Variants in HPGD observed in about 807,000 individuals in gnomAD.
The protein encoded by HPGD is 15-hydroxyprostaglandin dehydrogenase [NAD(+)].
HPGD carries 29 observed loss-of-function variants against 30.0 expected under a neutral mutation model. The ratio of observed to expected loss-of-function variants is 0.97; its 90% CI spans 0.72 to 1.32. The LOEUF (loss-of-function observed/expected upper bound fraction) is 1.32, where lower values mean the gene tolerates loss of function less well. Among genes scored for constraint, HPGD ranks in the 40% most tolerant of loss-of-function variants. The pLI is 0.00. For synonymous variants in HPGD, 99 were observed against 112.4 expected, an observed-to-expected ratio of 0.88 and a Z score of 0.75; for missense variants, 340 against 322.1, an observed-to-expected ratio of 1.06 and a Z score of -0.43.
At chr4:174,499,881 C>A (rs564110596) in intron 4 of HPGD, among the ~76,000 whole-genome samples, 94 of 152,278 alleles carry the variant, frequency 6.2e-4, no homozygotes, top group Admixed American at 4.4e-3. Context: ...TTTCTATGAA[C>A]ACTCTTTCCC....
chr4:174,519,717 C>A (rs1735982080), intron 2 of HPGD, among the ~76,000 whole-genome samples: 1 of 152,118 alleles, frequency 6.6e-6, no homozygotes, highest in Non-Finnish European at 1.5e-5. Context: ...CAGCGGGCAA[C>A]CCCCCTTTTT....
chr4:174,512,157 TA>T (rs1735540169), intron 3 of HPGD, among the ~76,000 whole-genome samples: 1 of 152,180 alleles, frequency 6.6e-6, no homozygotes, highest in Admixed American at 6.5e-5. Flanking sequence ...TTGGAAGAAC[TA>T]ATGTATTTGG....
rs546444596 is a variant in HPGD at position 174,497,971 on chromosome 4, CAG to C, written c.422-2349_422-2348del. ...CTGCCCCCTTCTCTCTCTTTTGAGA[CAG>C]AGTCTAGCTCTATTGCCCAGGCTGG... On this transcript the variant is annotated intron_variant, in intron 4 of 6. Transcript: ENST00000296522. Among the ~76,000 whole-genome samples, 54 of 150,344 alleles carry C rather than the reference CAG, an allele frequency of 3.6e-4. No individual in the cohort carries two copies. The East Asian group carries it at 0.011, about 30-fold the overall frequency.
chr4:174,508,077 G>A (rs1735275045), intron 4 of HPGD: 10 of 698,388 alleles, frequency 1.4e-5, no homozygotes, highest in Non-Finnish European at 2.6e-5. Flanking sequence ...CTTTCTGCTA[G>A]AGAAAAAGGA....
intron 4 of HPGD, among the ~76,000 whole-genome samples, chr4:174,498,558 A>G (rs1734754661): frequency 6.6e-6 from 1 of 151,910 alleles, no homozygotes; most frequent in African/African-American, 2.4e-5. Flanking sequence ...TATACTTTGC[A>G]TTTTCTAAAA....
chr4:174,513,413 T>C (rs1490230924), intron 3 of HPGD, among the ~76,000 whole-genome samples: 1 of 152,078 alleles, frequency 6.6e-6, no homozygotes, highest in Non-Finnish European at 1.5e-5. Context: ...GAAATACAAC[T>C]CTTAATAAGT....
chr4:174,518,044 C>T lies in HPGD; in HGVS notation c.251G>A (p.Arg84Lys), dbSNP rs760526727. The change falls in exon 3 of 7, where the codon AGA becomes AAA. Residue 84 changes from arginine to lysine, a missense_variant. By Grantham distance (26) the Arg-to-Lys change is conservative. Coordinates refer to ENST00000296522, the MANE Select transcript of HPGD (RefSeq NM_000860.6). ...TFRKVVDHFGRLDILVNNAGV... is the reference protein window; with the variant it reads ...TFRKVVDHFGKLDILVNNAGV... ...AGCATTATTGACCAAAATGTCCAGTCTTCCAAAGTGGTCTACAACTTTTCT... is the reference window on the plus strand; with the variant it reads ...AGCATTATTGACCAAAATGTCCAGTTTTCCAAAGTGGTCTACAACTTTTCT... The T allele has an allele frequency of 6.2e-7, 1 of 1,602,532 alleles. No homozygotes were observed. Among genetic ancestry groups the T allele is most frequent in the Non-Finnish European group, 8.5e-7 (1 of 1,169,780 alleles).
chr4:174,512,467 G>A (rs1344367345), intron 3 of HPGD, among the ~76,000 whole-genome samples: 1 of 152,184 alleles, frequency 6.6e-6, no homozygotes, highest in Admixed American at 6.5e-5. Flanking sequence ...GTTACTCTCT[G>A]ACATGAGCAG....
intron 4 of HPGD, among the ~76,000 whole-genome samples, chr4:174,500,763 A>G (rs1297152419): frequency 1.3e-5 from 2 of 152,192 alleles, no homozygotes; most frequent in Non-Finnish European, 2.9e-5. Context: ...CAGGTGGAGA[A>G]CAGGGTTTTT....
intron 3 of HPGD, among the ~76,000 whole-genome samples, chr4:174,512,323 G>A (rs1735548520): frequency 6.6e-6 from 1 of 152,154 alleles, no homozygotes. Context: ...TTACTAGCAT[G>A]AATAGCATGA....
At chr4:174,520,470 A>G (rs1228312763) in intron 2 of HPGD, among the ~76,000 whole-genome samples, 1 of 152,224 alleles carries the variant, frequency 6.6e-6, no homozygotes, top group African/African-American at 2.4e-5. Context: ...GGAAGAATCA[A>G]TGTCATGTTT....
chr4:174,502,137 C>CCAA (rs45490296), intron 4 of HPGD, among the ~76,000 whole-genome samples: 3 of 152,150 alleles, frequency 2.0e-5, no homozygotes, highest in Admixed American at 1.3e-4. Flanking sequence ...TTCTTTACAA[C>CCAA]CAACAACAAC....
At chr4:174,521,519 T>C (rs1284177657) in intron 2 of HPGD, among the ~76,000 whole-genome samples, 7 of 152,236 alleles carry the variant, frequency 4.6e-5, no homozygotes, top group East Asian at 1.9e-4. Context: ...TATTCTGATA[T>C]GTTTAAACGA....
At chr4:174,493,461 T>C (rs1301724004) in intron 5 of HPGD, 147 bp from the exon 6 acceptor site, 3 of 710,114 alleles carry the variant, frequency 4.2e-6, no homozygotes, top group Non-Finnish European at 7.3e-6. Context: ...GGTAAATAGA[T>C]AGTAAAATAA....
chr4:174,519,218 A>G (rs1579305462), intron 2 of HPGD, among the ~76,000 whole-genome samples: 1 of 146,216 alleles, frequency 6.8e-6, no homozygotes, highest in African/African-American at 2.5e-5. Context: ...TTTTTCATGG[A>G]TTTTTTTTTT....
At chr4:174,498,506 C>T (rs1734752860) in intron 4 of HPGD, among the ~76,000 whole-genome samples, 1 of 152,012 alleles carries the variant, frequency 6.6e-6, no homozygotes, top group African/African-American at 2.4e-5. Context: ...TTCTGCTGCC[C>T]CTCTCCTCCC....
Position 174,496,512 on chromosome 4 carries a change from T to A in HPGD, c.422-888A>T, listed in dbSNP as rs45444797. Among the ~76,000 whole-genome samples, 24,235 of 152,190 alleles carry A rather than the reference T, an allele frequency of 0.16. 2,588 individuals carry two copies. Among genetic ancestry groups the A allele is most frequent in the East Asian group, 0.52 (2,669 of 5,172 alleles). Reference sequence around the variant, plus strand: ...TATTATCAAGCTTATTTCTCAAAATTGTTAATTATCTAATCAGCAATCAAA... The same window carrying A: ...TATTATCAAGCTTATTTCTCAAAATAGTTAATTATCTAATCAGCAATCAAA... On this transcript the variant is annotated intron_variant, in intron 4 of 6. Transcript: ENST00000296522. The surrounding 1 kb of genome is among the most constrained non-coding windows in gnomAD (Gnocchi z 4.6).
At chr4:174,521,863 G>T in intron 2 of HPGD, 81 bp downstream of exon 2, 1 of 1,567,264 alleles carries the variant, frequency 6.4e-7, no homozygotes, top group Non-Finnish European at 8.8e-7. Flanking sequence ...GCGGCACCCA[G>T]GGCCCCCTGG....
rs113142755 is a variant in HPGD at position 174,515,316 on chromosome 4, T to C, written c.324+2655A>G. ...CACGGTACTGGTACAAAAACAGATATATAGACCAATGGAACAGCATGGAGA... is the reference window on the plus strand; with the variant it reads ...CACGGTACTGGTACAAAAACAGATACATAGACCAATGGAACAGCATGGAGA... On this transcript the variant is annotated intron_variant, in intron 3 of 6. Transcript: ENST00000296522. Among the ~76,000 whole-genome samples the C allele has an allele frequency of 6.1e-3, 923 of 152,134 alleles. 9 individuals are homozygous for C. Among genetic ancestry groups the C allele is most frequent in the African/African-American group, 0.021 (881 of 41,504 alleles).
Sources: allele counts gnomAD v4.1 joint callset (sites outside exome capture counted in the v4.1 genomes callset), GRCh38; gene constraint gnomAD v4.1.1; non-coding constraint Gnocchi (gnomAD v3.1); transcripts MANE v1.5; gene names NCBI Gene and HGNC (gene_info 2026-07-23, HGNC 2026-07-21).